FAM163A: variants seen among roughly 807,000 people sequenced by gnomAD.
The protein encoded by FAM163A is protein FAM163A.
FAM163A carries 7 observed loss-of-function variants against 12.0 expected under a neutral mutation model. The ratio of observed to expected loss-of-function variants is 0.58; its 90% confidence interval spans 0.33 to 1.10. The LOEUF is 1.10. Ranked by LOEUF, FAM163A falls within the 50% of genes least tolerant of loss-of-function variation. FAM163A has a pLI of 0.03. For missense variants in FAM163A, 202 were observed against 218.6 expected (o/e 0.92, Z 0.48); for synonymous variants, 101 against 91.0 (o/e 1.11, Z -0.62).
At position 179,813,141 on chromosome 1, in the gene FAM163A, C is replaced by T. The variant is rs923699177; in HGVS notation, c.44C>T (p.Thr15Met). The T allele has an allele frequency of 1.4e-5, 21 of 1,551,828 alleles. No individual in the cohort carries two copies. Among genetic ancestry groups the T allele is most frequent in the Non-Finnish European group, 1.7e-5 (19 of 1,147,086 alleles). Reference protein sequence around the residue: ...TVVITGGILATVILLCIIAVL... With the variant: ...TVVITGGILAMVILLCIIAVL... The stretch of plus-strand genomic sequence containing the variant: ...GTGATCACTGGCGGAATCCTAGCTA[C>T]GGTGATCCTCCTCTGCATCATTGCC... Residue 15 changes from threonine to methionine, a missense_variant, in exon 4 of 5, where the codon ACG becomes ATG. Coordinates refer to ENST00000341785, the MANE Select transcript of FAM163A (RefSeq NM_173509.3).
At chr1:179,737,620 G>A in the FAM163A span, among the ~76,000 whole-genome samples, 1 of 152,182 alleles carries the variant, frequency 6.6e-6, no homozygotes, top group African/African-American at 2.4e-5. Context: ...CAGATCACAA[G>A]GTCAGGAGAT....
intron 1 of FAM163A, among the ~76,000 whole-genome samples, chr1:179,788,796 C>A (rs930592922): frequency 1.6e-4 from 24 of 152,222 alleles, no homozygotes; most frequent in Admixed American, 1.6e-3. Flanking sequence ...AAGAAGTCTG[C>A]AAACAAGGCA....
chr1:179,741,396 A>G (rs1052530208), upstream of FAM163A, among the ~76,000 whole-genome samples: 1 of 152,274 alleles, frequency 6.6e-6, no homozygotes, highest in African/African-American at 2.4e-5. Flanking sequence ...AAAACTAAAT[A>G]TATGCATACC....
intron 1 of FAM163A, among the ~76,000 whole-genome samples, chr1:179,761,089 G>C (rs1189275061): frequency 6.7e-6 from 1 of 148,928 alleles, no homozygotes; most frequent in Non-Finnish European, 1.5e-5. Context: ...AAATGATGTA[G>C]AAACATATTT....
intron 1 of FAM163A, among the ~76,000 whole-genome samples, chr1:179,771,767 C>A (rs1041005055): frequency 6.6e-6 from 1 of 151,914 alleles, no homozygotes; most frequent in East Asian, 1.9e-4. Context: ...CTTGCCAAAT[C>A]CCCCCATGCC....
rs529818766 is a variant in FAM163A, at chr1:179,790,110, T to C, written c.-135-17688T>C. Among the ~76,000 whole-genome samples, 12 of 151,860 alleles carry C rather than the reference T, an allele frequency of 7.9e-5. No individual in the cohort carries two copies. The East Asian group carries it at 2.3e-3, about 29-fold the overall frequency. Reference sequence around the variant, plus strand: ...GAAGTATGACCCTCAACCCAGATGGTAGCAGTAGGTACAGAAAGCAGTGTC... The same window carrying C: ...GAAGTATGACCCTCAACCCAGATGGCAGCAGTAGGTACAGAAAGCAGTGTC... On this transcript the variant is annotated intron_variant, in intron 1 of 4. Transcript: ENST00000341785.
chr1:179,810,111 A>G (rs1694504696), intron 2 of FAM163A, among the ~76,000 whole-genome samples: 1 of 152,186 alleles, frequency 6.6e-6, no homozygotes, highest in Non-Finnish European at 1.5e-5. Context: ...ATAAGGCTGC[A>G]GGGGATAGGA....
intron 4 of FAM163A, 44 bp from the exon 5 acceptor site, chr1:179,813,735 G>T: frequency 6.2e-7 from 1 of 1,608,748 alleles, no homozygotes; most frequent in Non-Finnish European, 8.5e-7. Context: ...ATGGGGCGGG[G>T]GGAGCATTCA....
At chr1:179,806,154 G>T (rs916385905) in intron 1 of FAM163A, among the ~76,000 whole-genome samples, 1 of 152,220 alleles carries the variant, frequency 6.6e-6, no homozygotes, top group Admixed American at 6.5e-5. Flanking sequence ...AGCATCCACG[G>T]ATCCTGAGAC....
intron 1 of FAM163A, among the ~76,000 whole-genome samples, chr1:179,768,577 T>C (rs1687820457): frequency 6.6e-6 from 1 of 151,966 alleles, no homozygotes; most frequent in Non-Finnish European, 1.5e-5. Context: ...TTGGCTTTGG[T>C]GTGGTCAAGT....
the FAM163A span, among the ~76,000 whole-genome samples, chr1:179,733,808 G>T: frequency 5.5e-4 from 83 of 152,278 alleles, no homozygotes; most frequent in East Asian, 2.3e-3. Context: ...TTTGCTGAAG[G>T]CTTGGGAGAA....
intron 1 of FAM163A, among the ~76,000 whole-genome samples, chr1:179,792,467 G>T (rs1324438496): frequency 6.6e-6 from 1 of 152,144 alleles, no homozygotes; most frequent in African/African-American, 2.4e-5. Flanking sequence ...ATCTTAAACA[G>T]AAGGCCCAGT....
chr1:179,802,842 C>T (rs957979532), intron 1 of FAM163A, among the ~76,000 whole-genome samples: 3 of 151,642 alleles, frequency 2.0e-5, no homozygotes, highest in African/African-American at 7.3e-5. Context: ...TTTTTGTGAG[C>T]CTTTAGGGTA....
chr1:179,737,953 T>A, the FAM163A span, among the ~76,000 whole-genome samples: 2 of 152,224 alleles, frequency 1.3e-5, no homozygotes, highest in African/African-American at 4.8e-5. Flanking sequence ...CTCATTAGAT[T>A]GAATACGTTA....
intron 1 of FAM163A, among the ~76,000 whole-genome samples, chr1:179,807,526 C>T (rs1045178893): frequency 1.3e-5 from 2 of 152,218 alleles, no homozygotes; most frequent in Non-Finnish European, 2.9e-5. Context: ...ATGTGCCCAG[C>T]ATCCTGCCGC....
chr1:179,812,409 T>G (rs1166252929), intron 3 of FAM163A, among the ~76,000 whole-genome samples: 1 of 152,146 alleles, frequency 6.6e-6, no homozygotes, highest in Admixed American at 6.5e-5. Flanking sequence ...TTGCCTTTGT[T>G]TTCCAGGAGG....
At chr1:179,728,615 T>G in the FAM163A span, among the ~76,000 whole-genome samples, 11 of 152,254 alleles carry the variant, frequency 7.2e-5, no homozygotes, top group South Asian at 2.1e-4. Flanking sequence ...CTGTGATAAT[T>G]TGGGAGGGTT....
At chr1:179,757,825 AAAACG>A (rs58185872) in intron 1 of FAM163A, among the ~76,000 whole-genome samples, 2,606 of 152,150 alleles carry the variant, frequency 0.017, 75 homozygotes, top group African/African-American at 0.059. Context: ...AAAACAAAAC[AAAACG>A]AAAAACAGTG....
At chr1:179,791,672 T>C (rs1158775110) in intron 1 of FAM163A, among the ~76,000 whole-genome samples, 1 of 152,256 alleles carries the variant, frequency 6.6e-6, no homozygotes, top group East Asian at 1.9e-4. Flanking sequence ...AGTTGCTAAC[T>C]GGATTTTTAA....
Sources: gnomAD v4.1 joint callset for allele counts (sites outside exome capture counted in the v4.1 genomes callset) on GRCh38, gnomAD v4.1.1 for gene constraint, MANE v1.5 for transcripts, NCBI Gene and HGNC (gene_info 2026-07-23, HGNC 2026-07-21) for gene names.